Variants in LUZP2 observed in about 807,000 individuals in gnomAD.
The protein encoded by LUZP2 is leucine zipper protein 2.
A neutral mutation model predicts 51.6 loss-of-function variants in LUZP2; 52 were observed. The ratio of observed to expected loss-of-function variants is 1.01; its 90% CI spans 0.81 to 1.27. The LOEUF (loss-of-function observed/expected upper bound fraction) is 1.27, where lower values mean the gene tolerates loss of function less well. Among genes scored for constraint, LUZP2 ranks in the 50% most tolerant of loss-of-function variants. The pLI is 0.00. For missense variants in LUZP2, 436 were observed against 395.4 expected, an observed-to-expected ratio of 1.10 and a Z score of -0.87; for synonymous variants, 154 against 137.3, an observed-to-expected ratio of 1.12 and a Z score of -0.85.
rs571874126 is a variant in LUZP2 at position 24,550,647 on chromosome 11, G to C, written c.62+53342G>C. Among the ~76,000 whole-genome samples the C allele has an allele frequency of 4.6e-5, 7 of 152,078 alleles. No homozygotes were observed. The South Asian group carries it at 1.5e-3, about 32-fold the overall frequency. ...ACCACTGTAGATGTCCTTCCTCAAT[G>C]GATCTATTTTTGTCTTTTGGAACAG... On this transcript the variant is annotated intron_variant, in intron 1 of 11. Coordinates refer to ENST00000336930, the MANE Select transcript of LUZP2 (RefSeq NM_001009909.4).
chr11:24,828,917 G>T (rs1564952702), intron 5 of LUZP2, among the ~76,000 whole-genome samples: 2 of 152,186 alleles, frequency 1.3e-5, no homozygotes, highest in South Asian at 4.1e-4. Flanking sequence ...GATCTCTGCA[G>T]GTAGGAGAGG....
At chr11:24,877,409 C>G (rs933390304) in intron 5 of LUZP2, among the ~76,000 whole-genome samples, 4 of 113,252 alleles carry the variant, frequency 3.5e-5, no homozygotes, top group Non-Finnish European at 8.0e-5. Flanking sequence ...CAACTCTAAG[C>G]TTTAAGACTC....
chr11:24,501,717 C>T (rs1367765172), intron 1 of LUZP2, among the ~76,000 whole-genome samples: 1 of 152,092 alleles, frequency 6.6e-6, no homozygotes, highest in Non-Finnish European at 1.5e-5. Context: ...AATGTGCCTG[C>T]TATCAGTCAG....
At chr11:24,819,133 G>C (rs1297392749) in intron 5 of LUZP2, among the ~76,000 whole-genome samples, 1 of 151,998 alleles carries the variant, frequency 6.6e-6, no homozygotes, top group Non-Finnish European at 1.5e-5. Context: ...TTGTTACTGA[G>C]AAGAAAAGGG....
intron 9 of LUZP2, among the ~76,000 whole-genome samples, chr11:25,042,434 C>T (rs1900212): frequency 0.96 from 146,169 of 152,228 alleles, 70,436 homozygotes; most frequent in East Asian, 1. Flanking sequence ...ACTTTGGATA[C>T]TTTGATGAGG....
chr11:24,662,545 T>A (rs1856057006), intron 1 of LUZP2, among the ~76,000 whole-genome samples: 1 of 152,082 alleles, frequency 6.6e-6, no homozygotes, highest in South Asian at 2.1e-4. Flanking sequence ...CTATAAAGTT[T>A]TCTGAAGAAA....
At chr11:24,935,227 G>A (rs1031383062) in intron 7 of LUZP2, among the ~76,000 whole-genome samples, 3 of 152,116 alleles carry the variant, frequency 2.0e-5, no homozygotes, top group African/African-American at 4.8e-5. Flanking sequence ...CACAGTGAGA[G>A]GGGCCCTTAA....
rs10466434 is a variant in LUZP2, at chr11:25,039,598, G to A, written c.766-10440G>A. ...GGTACCCAAATCCATGTGTGCTGCA[G>A]CTCCATCTCTGTCTAATACCTGGGG... On this transcript the variant is annotated intron_variant, in intron 9 of 11. Transcript: ENST00000336930. Among the ~76,000 whole-genome samples, 310 of 152,238 alleles carry A rather than the reference G, an allele frequency of 2.0e-3. 2 individuals carry two copies. Among genetic ancestry groups the A allele is most frequent in the African/African-American group, 7.0e-3 (292 of 41,544 alleles).
chr11:24,793,783 A>G (rs1849471676), intron 5 of LUZP2, among the ~76,000 whole-genome samples: 1 of 152,168 alleles, frequency 6.6e-6, no homozygotes, highest in Admixed American at 6.6e-5. Flanking sequence ...AGTCTCACCT[A>G]TTAAACAGCT....
chr11:24,553,438 A>G (rs1443026011), intron 1 of LUZP2, among the ~76,000 whole-genome samples: 2 of 152,130 alleles, frequency 1.3e-5, no homozygotes, highest in Non-Finnish European at 2.9e-5. Flanking sequence ...AGGCTAAAGC[A>G]ATTATGAGTA....
intron 7 of LUZP2, among the ~76,000 whole-genome samples, chr11:24,925,987 G>A (rs147588772): frequency 1.4e-4 from 22 of 151,894 alleles, no homozygotes; most frequent in African/African-American, 5.1e-4. Flanking sequence ...GAGAATATAC[G>A]TTGTTTGGTT....
At chr11:24,965,828 G>C (rs1036429090) in intron 7 of LUZP2, among the ~76,000 whole-genome samples, 2 of 151,830 alleles carry the variant, frequency 1.3e-5, no homozygotes, top group Middle Eastern at 6.8e-3. Context: ...GACTAGATGT[G>C]TCTATTACTA....
chr11:24,678,906 G>A (rs760920439), intron 1 of LUZP2, among the ~76,000 whole-genome samples: 29 of 152,184 alleles, frequency 1.9e-4, no homozygotes, highest in Non-Finnish European at 3.7e-4. Context: ...AAGATATAGT[G>A]CTGCGTCCAG....
intron 9 of LUZP2, among the ~76,000 whole-genome samples, chr11:24,996,717 C>A (rs933799373): frequency 6.6e-6 from 1 of 151,720 alleles, no homozygotes; most frequent in African/African-American, 2.4e-5. Context: ...GTGCTGCACC[C>A]ATTAACTCGT....
intron 9 of LUZP2, among the ~76,000 whole-genome samples, chr11:24,987,353 C>A (rs1856216734): frequency 6.6e-6 from 1 of 151,872 alleles, no homozygotes; most frequent in Non-Finnish European, 1.5e-5. Flanking sequence ...AGAATCCTTA[C>A]AATCCATTTA....
At chr11:24,537,846 C>T (rs373044076) in intron 1 of LUZP2, among the ~76,000 whole-genome samples, 31 of 151,876 alleles carry the variant, frequency 2.0e-4, no homozygotes, top group African/African-American at 6.3e-4. Context: ...CTTAAACAAA[C>T]GTTTCACCTT....
Position 24,527,952 on chromosome 11 carries a change from T to C in LUZP2, c.62+30647T>C, listed in dbSNP as rs566020816. ...GGTTTTGTGACCATAGACATCAGCA[T>C]CCTAACAAGGAGGAAACTGCAAATT... On this transcript the variant is annotated intron_variant, in intron 1 of 11. Transcript: ENST00000336930. Among the ~76,000 whole-genome samples the C allele has an allele frequency of 1.1e-4, 17 of 151,390 alleles. No individual in the cohort carries two copies. The East Asian group carries it at 1.9e-3, about 17-fold the overall frequency.
At chr11:24,670,329 T>C (rs1163161060) in intron 1 of LUZP2, among the ~76,000 whole-genome samples, 1 of 152,066 alleles carries the variant, frequency 6.6e-6, no homozygotes, top group Non-Finnish European at 1.5e-5. Context: ...ACTATGGTCA[T>C]AATAACAGTC....
At chr11:24,640,872 A>G (rs544641779) in intron 1 of LUZP2, among the ~76,000 whole-genome samples, 2 of 151,608 alleles carry the variant, frequency 1.3e-5, no homozygotes, top group African/African-American at 2.4e-5. Context: ...TTCCTTTTTT[A>G]TATGAAAGTG....
Sources: allele counts gnomAD v4.1 joint callset (sites outside exome capture counted in the v4.1 genomes callset), GRCh38; gene constraint gnomAD v4.1.1; transcripts MANE v1.5; gene names NCBI Gene and HGNC (gene_info 2026-07-23, HGNC 2026-07-21).